The following NOX3 variants were observed in gnomAD, a reference collection of about 807,000 sequenced individuals.
NOX3 encodes NADPH oxidase catalytic subunit-like 3.
Under a neutral mutation model 76.7 loss-of-function variants are expected in NOX3, and 74 were observed. The ratio of observed to expected loss-of-function variants is 0.96; its 90% confidence interval spans 0.80 to 1.17. The LOEUF (loss-of-function observed/expected upper bound fraction) is 1.17. NOX3 is among the 50% of genes most tolerant of loss of function. The probability of loss-of-function intolerance (pLI) is 0.00; values close to 1 mark genes in which losing one functional copy is unlikely to be tolerated. For missense variants in NOX3, 695 were observed against 703.3 expected (o/e 0.99, Z 0.13); for synonymous variants, 263 against 261.1 (o/e 1.01, Z -0.07).
At chr6:155,427,471 C>G (rs1488726621) in intron 9 of NOX3, among the ~76,000 whole-genome samples, 2 of 152,162 alleles carry the variant, frequency 1.3e-5, no homozygotes, top group Non-Finnish European at 2.9e-5. Flanking sequence ...ATTCTTTTGT[C>G]AAATCTTTCC....
chr6:155,421,884 T>G (rs1404233608), intron 10 of NOX3, among the ~76,000 whole-genome samples: 1 of 152,164 alleles, frequency 6.6e-6, no homozygotes, highest in Non-Finnish European at 1.5e-5. Context: ...ACTACGGAAT[T>G]CTCTCTAGTG....
Position 155,428,947 on chromosome 6 carries a change from G to C in NOX3, c.992C>G (p.Ser331Cys), listed in dbSNP as rs1282433315. The change falls in exon 9 of 14, where the codon TCT (serine) becomes TGT (cysteine). Residue 331 changes from serine (S) to cysteine (C), a missense_variant. Transcript: ENST00000159060. ...QYILVQCPAISSLEWHPFTLT... is the reference protein window; with the variant it reads ...QYILVQCPAICSLEWHPFTLT... Reference sequence around the variant, plus strand: ...GGTGAAGGGGTGCCACTCCAGCGAAGATATGGCTGGGCACTGCACCAAGAT... The same window carrying C: ...GGTGAAGGGGTGCCACTCCAGCGAACATATGGCTGGGCACTGCACCAAGAT... The C allele has an allele frequency of 2.5e-6, 4 of 1,613,924 alleles. No individual in the cohort carries two copies. Among genetic ancestry groups the C allele is most frequent in the Non-Finnish European group, 3.4e-6 (4 of 1,179,986 alleles).
At position 155,440,253 on chromosome 6, in the gene NOX3, A is replaced by G. The variant is rs1468821600; in HGVS notation, c.487-116T>C. ...AGGACCAGTACTTGAGATTTCAAGCAGGGAGCCGTTCACAATGTTTCACTC... is the reference window on the plus strand; with the variant it reads ...AGGACCAGTACTTGAGATTTCAAGCGGGGAGCCGTTCACAATGTTTCACTC... On this transcript the variant is annotated intron_variant, in intron 5 of 13. Coordinates refer to ENST00000159060, the MANE Select transcript of NOX3 (RefSeq NM_015718.3). The G allele has an allele frequency of 1.1e-5, 9 of 786,226 alleles. No individual in the cohort carries two copies. In the Admixed American group the frequency reaches 1.9e-4, roughly 17 times the overall value. The allele number at this position is 786,226 out of a possible 1,614,324, so 48.7% of individuals were successfully genotyped here.
At chr6:155,422,306 C>T (rs895099870) in intron 10 of NOX3, among the ~76,000 whole-genome samples, 1 of 152,092 alleles carries the variant, frequency 6.6e-6, no homozygotes, top group African/African-American at 2.4e-5. Flanking sequence ...ACTGAGTCCA[C>T]GAGAGGAGGA....
chr6:155,397,151 C>T (rs1457286944), intron 12 of NOX3, among the ~76,000 whole-genome samples, 189 bp from the exon 13 acceptor site: 1 of 152,180 alleles, frequency 6.6e-6, no homozygotes, highest in East Asian at 1.9e-4. Flanking sequence ...AGGTTCCCAG[C>T]ATCCTCCCCT....
chr6:155,414,244 C>G (rs1776594144), intron 10 of NOX3, among the ~76,000 whole-genome samples: 1 of 152,168 alleles, frequency 6.6e-6, no homozygotes, highest in South Asian at 2.1e-4. Context: ...TTTCATCTTT[C>G]TAATGGTGGG....
chr6:155,455,111 T>C lies in NOX3; in HGVS notation c.67A>G (p.Asn23Asp), dbSNP rs765404704. 7.4e-6 allele frequency: 12 copies of C among 1,611,708 alleles called. No individual in the cohort carries two copies. The highest frequency in any genetic ancestry group is 3.3e-4 in the Middle Eastern group (2 of 6,084). ...TILVLSWLGINFYLFIDTFYW... is the reference protein window; with the variant it reads ...TILVLSWLGIDFYLFIDTFYW... ...AACGTGTCAATAAACAGATAAAAAT[T>C]TATTCCCAGCCATGAGAGCTAGAGT... The change falls in exon 2 of 14, where the codon AAT (asparagine) becomes GAT (aspartate). Residue 23 changes from asparagine (N) to aspartate (D), a missense_variant. Coordinates refer to ENST00000159060, the MANE Select transcript of NOX3 (RefSeq NM_015718.3).
intron 11 of NOX3, among the ~76,000 whole-genome samples, chr6:155,409,643 T>C (rs1171021803): frequency 6.6e-6 from 1 of 152,216 alleles, no homozygotes; most frequent in Non-Finnish European, 1.5e-5. Context: ...AGTTTAACAA[T>C]TGGGTATTTC....
At chr6:155,435,524 G>GT (rs34819529) in intron 7 of NOX3, among the ~76,000 whole-genome samples, 54 of 150,328 alleles carry the variant, frequency 3.6e-4, no homozygotes, top group Non-Finnish European at 4.9e-4. Context: ...ATATTTGAGG[G>GT]TTTTTTTTTT....
At position 155,422,689 on chromosome 6, in the gene NOX3, C is replaced by T. The variant is rs374699981; in HGVS notation, c.1308+5G>A. The T allele has an allele frequency of 8.1e-6, 13 of 1,612,596 alleles. No homozygotes were observed. The highest frequency in any genetic ancestry group is 6.7e-5 in the Admixed American group (4 of 59,814). On this transcript the variant is annotated splice_donor_5th_base_variant and intron_variant, in intron 10 of 13. Coordinates refer to ENST00000159060, the MANE Select transcript of NOX3 (RefSeq NM_015718.3). The stretch of plus-strand genomic sequence containing the variant: ...TGGAAGGGTGAACTAATGATTTTTC[C>T]GTACCTTGCTCAGCTTCAGTGGGGT...
chr6:155,396,707 G>A (rs1779142395), intron 13 of NOX3, 102 bp downstream of exon 13: 3 of 842,466 alleles, frequency 3.6e-6, no homozygotes, highest in Non-Finnish European at 5.2e-6. Flanking sequence ...TTCAGTAGTT[G>A]AGAGTCGGAC....
At position 155,407,360 on chromosome 6, in the gene NOX3, T is replaced by A. The variant is rs553713048; in HGVS notation, c.1456-106A>T. On this transcript the variant is annotated intron_variant, in intron 11 of 13. Coordinates refer to ENST00000159060, the MANE Select transcript of NOX3 (RefSeq NM_015718.3). ...TCATTTGTAGATTTAATTAAAAATG[T>A]GTACAGGGCTGGCAATGCTTATCAC... is the stretch of plus-strand genomic sequence containing the variant. 5.6e-5 allele frequency: 60 copies of A among 1,080,682 alleles called. No homozygotes were observed. In the African/African-American group the frequency reaches 8.0e-4, roughly 14 times the overall value. The allele number at this position is 1,080,682 out of a possible 1,614,324, so 66.9% of individuals were successfully genotyped here.
At chr6:155,401,791 A>C (rs1364407706) in intron 12 of NOX3, among the ~76,000 whole-genome samples, 1 of 68,436 alleles carries the variant, frequency 1.5e-5, no homozygotes. Context: ...CTGAAATTAC[A>C]AAAAAAAAAA....
intron 8 of NOX3, among the ~76,000 whole-genome samples, chr6:155,429,450 T>C (rs1319864536): frequency 6.6e-6 from 1 of 152,254 alleles, no homozygotes; most frequent in Non-Finnish European, 1.5e-5. Context: ...AACATTTTGT[T>C]ACCTTTTTCA....
Position 155,436,446 on chromosome 6 carries a change from A to G in NOX3, c.770T>C (p.Val257Ala), listed in dbSNP as rs751815031. 1.2e-6 allele frequency: 2 copies of G among 1,614,150 alleles called. No homozygotes were observed. Among genetic ancestry groups the G allele is most frequent in the Non-Finnish European group, 8.5e-7 (1 of 1,180,004 alleles). The change falls in exon 7 of 14, where the codon GTG becomes GCG. Residue 257 changes from valine to alanine, a missense_variant. By Grantham distance (64) the Val-to-Ala change is moderately conservative. Coordinates refer to ENST00000159060, the MANE Select transcript of NOX3 (RefSeq NM_015718.3). ...GGGTTCCTTGCCAGAAAATTGAGGC[A>G]CGGGGCATTGGGCCACTGTCTGCCA... ...AEWQTVAQCPVPQFSGKEPSA... is the reference protein window; with the variant it reads ...AEWQTVAQCPAPQFSGKEPSA...
At chr6:155,396,751 T>C in intron 13 of NOX3, 58 bp downstream of exon 13, 1 of 1,408,758 alleles carries the variant, frequency 7.1e-7, no homozygotes, top group Non-Finnish European at 9.6e-7. Flanking sequence ...TGATTACTGT[T>C]TGGCCCCTTA....
intron 5 of NOX3, 102 bp downstream of exon 5, chr6:155,443,171 C>A: frequency 8.3e-7 from 1 of 1,198,124 alleles, no homozygotes; most frequent in Non-Finnish European, 1.1e-6. Flanking sequence ...ATTCATTCTC[C>A]AGCTCTTTTA....
intron 11 of NOX3, among the ~76,000 whole-genome samples, chr6:155,407,742 G>A (rs1426929270): frequency 6.6e-6 from 1 of 152,176 alleles, no homozygotes; most frequent in Non-Finnish European, 1.5e-5. Flanking sequence ...CCTGCCTAGT[G>A]GGTTTAAACG....
chr6:155,410,383 T>A (rs1186500346), intron 11 of NOX3, among the ~76,000 whole-genome samples: 1 of 152,110 alleles, frequency 6.6e-6, no homozygotes, highest in African/African-American at 2.4e-5. Context: ...ATGTAGTGAT[T>A]AATGTCAATC....
Sources: allele counts gnomAD v4.1 joint callset (sites outside exome capture counted in the v4.1 genomes callset), GRCh38; gene constraint gnomAD v4.1.1; transcripts MANE v1.5; gene names NCBI Gene and HGNC (gene_info 2026-07-23, HGNC 2026-07-21).